DRC11: variants seen among roughly 807,000 people sequenced by gnomAD.
The protein encoded by DRC11 is dynein regulatory complex subunit 11, also known as IQ and AAA domain-containing protein 1.
At chr2:236,477,864 T>C in the DRC11 span, among the ~76,000 whole-genome samples, 1 of 152,140 alleles carries the variant, frequency 6.6e-6, no homozygotes, top group African/African-American at 2.4e-5. Flanking sequence ...TATATATTTC[T>C]GTGGTATCGT....
the DRC11 span, among the ~76,000 whole-genome samples, chr2:236,330,697 G>A: frequency 6.6e-6 from 1 of 152,104 alleles, no homozygotes; most frequent in Admixed American, 6.6e-5. This position sits in a 1 kb window ranked among gnomAD's most constrained non-coding sequence, Gnocchi z 5.5. Flanking sequence ...TCTTACCTTT[G>A]GAGTTGGTCA....
chr2:236,324,750 G>A, the DRC11 span: 4 of 1,605,884 alleles, frequency 2.5e-6, no homozygotes, highest in Non-Finnish European at 3.4e-6. This position sits in a 1 kb window ranked among gnomAD's most constrained non-coding sequence, Gnocchi z 5.7. Flanking sequence ...GCCAAGGCAC[G>A]TTTTTTACCC....
the DRC11 span, chr2:236,408,669 T>C: frequency 1.4e-6 from 1 of 721,060 alleles, no homozygotes; most frequent in South Asian, 1.4e-5. The surrounding 1 kb of genome is among the most constrained non-coding windows in gnomAD (Gnocchi z 5.5). Context: ...CTGCCATTTC[T>C]TGCAGTAATT....
At chr2:236,344,497 T>G in the DRC11 span, 2 of 1,206,198 alleles carry the variant, frequency 1.7e-6, no homozygotes, top group Non-Finnish European at 2.4e-6. Flanking sequence ...AGGTAGGCCT[T>G]GGTAAGGGCC....
At chr2:236,416,721 T>TTATATATATATATATATATA in the DRC11 span, among the ~76,000 whole-genome samples, 13 of 64,234 alleles carry the variant, frequency 2.0e-4, no homozygotes, top group Non-Finnish European at 2.6e-4. Context: ...ATATATATAT[T>TTATATATATATATATATATA]TATATATATA....
the DRC11 span, among the ~76,000 whole-genome samples, chr2:236,497,896 G>C: frequency 1.3e-5 from 2 of 152,200 alleles, no homozygotes; most frequent in African/African-American, 4.8e-5. This position sits in a 1 kb window ranked among gnomAD's most constrained non-coding sequence, Gnocchi z 5.1. Context: ...TTCTTATTAA[G>C]TTGAACGTGT....
the DRC11 span, chr2:236,507,251 A>T: frequency 6.2e-7 from 1 of 1,613,952 alleles, no homozygotes; most frequent in Non-Finnish European, 8.5e-7. Context: ...GGAGCCCATC[A>T]CTTACGCGTT....
At chr2:236,444,654 C>T in the DRC11 span, among the ~76,000 whole-genome samples, 1 of 152,222 alleles carries the variant, frequency 6.6e-6, no homozygotes, top group Non-Finnish European at 1.5e-5. Flanking sequence ...ACTGAACTGT[C>T]ATCTCACTCC....
At chr2:236,337,750 CGTT>C in the DRC11 span, among the ~76,000 whole-genome samples, 1 of 151,708 alleles carries the variant, frequency 6.6e-6, no homozygotes, top group Admixed American at 6.6e-5. The surrounding 1 kb of genome is among the most constrained non-coding windows in gnomAD (Gnocchi z 4.9). Context: ...AGTAAGCTCT[CGTT>C]GTATTTTAAT....
At chr2:236,398,927 C>A in the DRC11 span, among the ~76,000 whole-genome samples, 1 of 152,108 alleles carries the variant, frequency 6.6e-6, no homozygotes, top group Non-Finnish European at 1.5e-5. This position sits in a 1 kb window ranked among gnomAD's most constrained non-coding sequence, Gnocchi z 6.2. Flanking sequence ...GAGGTCTTGA[C>A]TATCTTCTCA....
chr2:236,354,585 C>G, the DRC11 span, among the ~76,000 whole-genome samples: 3 of 152,120 alleles, frequency 2.0e-5, no homozygotes, highest in Non-Finnish European at 4.4e-5. Flanking sequence ...TGTGCAAAGC[C>G]ATTCTCAACT....
At chr2:236,424,716 T>C in the DRC11 span, among the ~76,000 whole-genome samples, 1 of 150,614 alleles carries the variant, frequency 6.6e-6, no homozygotes, top group African/African-American at 2.5e-5. Context: ...TATAATATTG[T>C]TAATTATGGT....
chr2:236,412,037 AAAGT>A, the DRC11 span, among the ~76,000 whole-genome samples: 78 of 152,014 alleles, frequency 5.1e-4, no homozygotes, highest in Non-Finnish European at 1.5e-4. Flanking sequence ...CCTAAAACTT[AAAGT>A]ATAATAATAA....
At chr2:236,433,651 C>CT in the DRC11 span, among the ~76,000 whole-genome samples, 2 of 152,194 alleles carry the variant, frequency 1.3e-5, no homozygotes, top group African/African-American at 2.4e-5. Context: ...ATTCTCTTTG[C>CT]TTTTTTGCTC....
At chr2:236,357,033 A>ATATATCTATATATTT in the DRC11 span, among the ~76,000 whole-genome samples, 1 of 96,814 alleles carries the variant, frequency 1.0e-5, no homozygotes, top group Non-Finnish European at 2.3e-5. Flanking sequence ...CTATATATTT[A>ATATATCTATATATTT]TATATTCATA....
At chr2:236,361,922 T>C in the DRC11 span, among the ~76,000 whole-genome samples, 1 of 152,158 alleles carries the variant, frequency 6.6e-6, no homozygotes, top group Non-Finnish European at 1.5e-5. This position sits in a 1 kb window ranked among gnomAD's most constrained non-coding sequence, Gnocchi z 5.7. Flanking sequence ...AGCATAAAAA[T>C]ATACCGTATA....
the DRC11 span, among the ~76,000 whole-genome samples, chr2:236,430,200 C>T: frequency 6.4e-4 from 63 of 97,850 alleles, no homozygotes; most frequent in Non-Finnish European, 1.3e-3. The surrounding 1 kb of genome is among the most constrained non-coding windows in gnomAD (Gnocchi z 6.0). Context: ...ATACATATAA[C>T]ACACACACAC....
chr2:236,347,810 T>A, the DRC11 span, among the ~76,000 whole-genome samples: 1 of 151,640 alleles, frequency 6.6e-6, no homozygotes, highest in African/African-American at 2.4e-5. Flanking sequence ...ACTAAAGAAC[T>A]TACTCATGTA....
the DRC11 span, among the ~76,000 whole-genome samples, chr2:236,346,257 CCCAGCATCACACATGGTCAGAG>C: frequency 1.3e-5 from 2 of 152,226 alleles, no homozygotes; most frequent in African/African-American, 2.4e-5. Context: ...CTATGTTGTG[CCCAGCATCACACATGGTCAGAG>C]CCAGCACACA....
Sources: allele counts gnomAD v4.1 joint callset (sites outside exome capture counted in the v4.1 genomes callset), GRCh38; gene constraint gnomAD v4.1.1; non-coding constraint Gnocchi (gnomAD v3.1); transcripts MANE v1.5; gene names NCBI Gene and HGNC (gene_info 2026-07-23, HGNC 2026-07-21).